The following LYPLAL1 variants were observed in gnomAD, a reference collection of about 807,000 sequenced individuals.
The protein encoded by LYPLAL1 is lysophospholipase like 1, also known as lysophospholipase-like protein 1.
LYPLAL1 carries 23 observed loss-of-function variants against 19.7 expected under a neutral mutation model. That is an observed-to-expected ratio of 1.17 (90% confidence interval 0.84 to 1.65). The LOEUF (loss-of-function observed/expected upper bound fraction) is 1.65. LYPLAL1 is among the 40% of genes most tolerant of loss of function. The probability of loss-of-function intolerance (pLI) is 0.00; values close to 1 mark genes in which losing one functional copy is unlikely to be tolerated. For synonymous variants in LYPLAL1, 119 were observed against 96.3 expected, an observed-to-expected ratio of 1.24 and a Z score of -1.38; for missense variants, 355 against 279.4, an observed-to-expected ratio of 1.27 and a Z score of -1.93.
At chr1:219,396,258 A>G in the LYPLAL1 span, among the ~76,000 whole-genome samples, 1 of 151,856 alleles carries the variant, frequency 6.6e-6, no homozygotes, top group Non-Finnish European at 1.5e-5. Context: ...GTGTGGCCTT[A>G]TTTCTGGGCT....
chr1:219,248,690 T>C, the LYPLAL1 span, among the ~76,000 whole-genome samples: 2 of 152,138 alleles, frequency 1.3e-5, no homozygotes, highest in African/African-American at 4.8e-5. Flanking sequence ...TGTAAAATTT[T>C]CTATTTTGTG....
intron 2 of LYPLAL1, 28 bp downstream of exon 2, chr1:219,179,274 A>C: frequency 6.8e-7 from 1 of 1,481,132 alleles, no homozygotes; most frequent in East Asian, 2.3e-5. Context: ...TCACTTGTCA[A>C]TATAACTCTG....
chr1:219,214,300 CTA>C (rs756609449), downstream of LYPLAL1, among the ~76,000 whole-genome samples: 110 of 151,990 alleles, frequency 7.2e-4, no homozygotes, highest in Non-Finnish European at 1.3e-3. Flanking sequence ...ATGTTTGTGT[CTA>C]TGTTCACGAA....
the LYPLAL1 span, among the ~76,000 whole-genome samples, chr1:219,261,647 A>G: frequency 2.6e-5 from 4 of 152,204 alleles, no homozygotes; most frequent in Admixed American, 6.5e-5. Flanking sequence ...TGGATACAAA[A>G]ATCTTGGCTG....
chr1:219,368,053 A>G, the LYPLAL1 span, among the ~76,000 whole-genome samples: 1 of 151,236 alleles, frequency 6.6e-6, no homozygotes, highest in Non-Finnish European at 1.5e-5. Flanking sequence ...TTCTTTCTCT[A>G]GATGAGTTAT....
At chr1:219,298,339 G>A in the LYPLAL1 span, among the ~76,000 whole-genome samples, 1 of 152,176 alleles carries the variant, frequency 6.6e-6, no homozygotes, top group South Asian at 2.1e-4. Context: ...ATACATTTAG[G>A]TCTTTCATTT....
chr1:219,344,978 A>G, the LYPLAL1 span, among the ~76,000 whole-genome samples: 1 of 152,142 alleles, frequency 6.6e-6, no homozygotes, highest in Non-Finnish European at 1.5e-5. Context: ...TATTTATCCT[A>G]TATGTGACTC....
chr1:219,221,721 G>A, the LYPLAL1 span, among the ~76,000 whole-genome samples: 21 of 152,284 alleles, frequency 1.4e-4, no homozygotes, highest in African/African-American at 4.8e-4. Context: ...TCACGGAGAT[G>A]TGTAACTCAA....
At chr1:219,262,820 T>C in the LYPLAL1 span, among the ~76,000 whole-genome samples, 1 of 152,222 alleles carries the variant, frequency 6.6e-6, no homozygotes, top group South Asian at 2.1e-4. Flanking sequence ...CTAGTTATTC[T>C]AGCAGTGAAG....
chr1:219,311,835 T>C, the LYPLAL1 span, among the ~76,000 whole-genome samples: 1 of 152,190 alleles, frequency 6.6e-6, no homozygotes, highest in African/African-American at 2.4e-5. Context: ...TGTAACTTTC[T>C]ATTAAAATAG....
chr1:219,268,346 C>T, the LYPLAL1 span, among the ~76,000 whole-genome samples: 8 of 152,138 alleles, frequency 5.3e-5, no homozygotes, highest in African/African-American at 9.7e-5. Context: ...ATGTGCCATG[C>T]GCTTGCCTGG....
At chr1:219,262,150 T>C in the LYPLAL1 span, among the ~76,000 whole-genome samples, 34 of 152,266 alleles carry the variant, frequency 2.2e-4, no homozygotes, top group African/African-American at 8.2e-4. Context: ...GTTCAAACTT[T>C]CTGGTGTAAT....
the LYPLAL1 span, among the ~76,000 whole-genome samples, chr1:219,376,436 A>C: frequency 1.3e-5 from 2 of 152,092 alleles, no homozygotes; most frequent in Non-Finnish European, 2.9e-5. Flanking sequence ...GATTTCTTGA[A>C]TATGACACCA....
chr1:219,390,837 C>T, the LYPLAL1 span, among the ~76,000 whole-genome samples: 1 of 152,126 alleles, frequency 6.6e-6, no homozygotes, highest in Non-Finnish European at 1.5e-5. Context: ...ACTTCATTGG[C>T]ATTTTGAGAA....
the LYPLAL1 span, among the ~76,000 whole-genome samples, chr1:219,411,346 T>G: frequency 6.6e-6 from 1 of 152,114 alleles, no homozygotes; most frequent in African/African-American, 2.4e-5. Flanking sequence ...CAGCACCCTG[T>G]GTCTAGCTCA....
the LYPLAL1 span, among the ~76,000 whole-genome samples, chr1:219,261,618 T>A: frequency 6.6e-6 from 1 of 152,208 alleles, no homozygotes; most frequent in Non-Finnish European, 1.5e-5. Flanking sequence ...TCTCCTTCGT[T>A]TATGAAACTT....
At chr1:219,421,036 G>T in the LYPLAL1 span, among the ~76,000 whole-genome samples, 1 of 152,076 alleles carries the variant, frequency 6.6e-6, no homozygotes, top group African/African-American at 2.4e-5. Flanking sequence ...TGTGAAATTT[G>T]GATTTTTAAA....
chr1:219,380,836 C>T, the LYPLAL1 span, among the ~76,000 whole-genome samples: 2 of 152,048 alleles, frequency 1.3e-5, no homozygotes, highest in South Asian at 4.2e-4. Flanking sequence ...AATACTCGGC[C>T]CTGTTGGTCC....
chr1:219,395,770 G>C, the LYPLAL1 span, among the ~76,000 whole-genome samples: 2 of 152,158 alleles, frequency 1.3e-5, no homozygotes, highest in Admixed American at 1.3e-4. Flanking sequence ...TTAAGTCCTT[G>C]ATCCATCTTG....
Sources: gnomAD v4.1 joint callset for allele counts (sites outside exome capture counted in the v4.1 genomes callset) on GRCh38, gnomAD v4.1.1 for gene constraint, MANE v1.5 for transcripts, NCBI Gene and HGNC (gene_info 2026-07-23, HGNC 2026-07-21) for gene names.